The following SLC39A12 variants were observed in gnomAD, a reference collection of about 807,000 sequenced individuals.
The protein encoded by SLC39A12 is solute carrier family 39 member 12, also known as zinc transporter ZIP12.
Under a neutral mutation model 71.1 loss-of-function variants are expected in SLC39A12, and 63 were observed. The ratio of observed to expected loss-of-function variants is 0.89; its 90% CI spans 0.72 to 1.09. The LOEUF is 1.09. Ranked by LOEUF, SLC39A12 falls within the 50% of genes least tolerant of loss-of-function variation. SLC39A12 has a pLI of 0.00. For synonymous variants in SLC39A12, 351 were observed against 301.3 expected (o/e 1.16, Z -1.71); for missense variants, 892 against 812.6 (o/e 1.10, Z -1.19).
intron 12 of SLC39A12, among the ~76,000 whole-genome samples, chr10:18,024,034 G>T (rs1836607822): frequency 6.6e-6 from 1 of 152,162 alleles, no homozygotes; most frequent in South Asian, 2.1e-4. Flanking sequence ...TGTCAAAAAG[G>T]GCAGGCCTGT....
At chr10:18,003,521 G>A in intron 12 of SLC39A12, 163 bp downstream of exon 12, 1 of 574,828 alleles carries the variant, frequency 1.7e-6, no homozygotes, top group Non-Finnish European at 2.7e-6. Flanking sequence ...AGTGCATTCT[G>A]GGCAGAAAGA....
At position 17,991,209 on chromosome 10, in the gene SLC39A12, GTCA is replaced by G; in HGVS notation, c.1330_1332del (p.His444del). ...TTTGGGCATTTCCATGAAAGCAAAGGTCATATTTGGAAACTGATGGGATTAATT... is the reference window on the plus strand; with the variant it reads ...TTTGGGCATTTCCATGAAAGCAAAGGTATTTGGAAACTGATGGGATTAATT... On this transcript the variant is annotated inframe_deletion, in exon 8 of 13. Coordinates refer to ENST00000377369, the MANE Select transcript of SLC39A12 (RefSeq NM_001145195.2). The G allele has an allele frequency of 6.3e-7, 1 of 1,596,504 alleles. No homozygotes were observed. The highest frequency in any genetic ancestry group is 2.3e-5 in the East Asian group (1 of 43,838).
At chr10:18,011,503 T>A (rs58338149) in intron 12 of SLC39A12, among the ~76,000 whole-genome samples, 14,211 of 152,258 alleles carry the variant, frequency 0.093, 1,000 homozygotes, top group East Asian at 0.22. Context: ...TTGGTTAGGC[T>A]TCTGGCCAGC....
At chr10:17,985,970 A>G (rs367865220) in intron 6 of SLC39A12, among the ~76,000 whole-genome samples, 1 of 152,184 alleles carries the variant, frequency 6.6e-6, no homozygotes, top group East Asian at 1.9e-4. Context: ...TTCACCAATA[A>G]CAACACTCAT....
At chr10:17,963,536 G>A (rs1834744828) in intron 3 of SLC39A12, among the ~76,000 whole-genome samples, 1 of 152,190 alleles carries the variant, frequency 6.6e-6, no homozygotes, top group Non-Finnish European at 1.5e-5. Flanking sequence ...AACACCTGCT[G>A]AGTCATAACC....
At chr10:18,009,418 A>C (rs1209426990) in intron 12 of SLC39A12, among the ~76,000 whole-genome samples, 7 of 152,180 alleles carry the variant, frequency 4.6e-5, no homozygotes, top group Admixed American at 4.6e-4. Context: ...ATCCAAGGCA[A>C]ATGAATTGGA....
At chr10:17,961,526 GA>G in intron 2 of SLC39A12, 54 bp from the exon 3 acceptor site, 1 of 1,526,518 alleles carries the variant, frequency 6.6e-7, no homozygotes, top group Non-Finnish European at 8.8e-7. Context: ...TAGTGTTCTG[GA>G]ACTATTTTGC....
At chr10:17,966,718 C>A (rs1182222310) in intron 4 of SLC39A12, among the ~76,000 whole-genome samples, 1 of 151,810 alleles carries the variant, frequency 6.6e-6, no homozygotes, top group Non-Finnish European at 1.5e-5. Context: ...ACCTGTAATC[C>A]CAGCACTTTG....
At chr10:18,036,809 G>T (rs1262425305) in intron 12 of SLC39A12, among the ~76,000 whole-genome samples, 10 of 67,126 alleles carry the variant, frequency 1.5e-4, no homozygotes, top group East Asian at 1.2e-3. Flanking sequence ...TTTTTTTAAT[G>T]GAATCTCACT....
At chr10:17,974,369 T>A (rs962444309) in intron 4 of SLC39A12, among the ~76,000 whole-genome samples, 1 of 152,214 alleles carries the variant, frequency 6.6e-6, no homozygotes, top group Non-Finnish European at 1.5e-5. Flanking sequence ...TTTATTGTAG[T>A]CATCACTGTC....
At chr10:17,965,347 A>G in intron 3 of SLC39A12, 136 bp from the exon 4 acceptor site, 1 of 696,434 alleles carries the variant, frequency 1.4e-6, no homozygotes, top group South Asian at 1.9e-5. Flanking sequence ...GAAAGATGAT[A>G]GTCATATTCC....
At chr10:17,973,516 G>T (rs988765374) in intron 4 of SLC39A12, among the ~76,000 whole-genome samples, 5 of 152,040 alleles carry the variant, frequency 3.3e-5, no homozygotes, top group African/African-American at 1.2e-4. Context: ...TACTATTCTA[G>T]GGTAACAGTT....
At chr10:17,965,187 G>A (rs1035500879) in intron 3 of SLC39A12, among the ~76,000 whole-genome samples, 2 of 151,606 alleles carry the variant, frequency 1.3e-5, no homozygotes, top group Admixed American at 6.6e-5. Flanking sequence ...AGCCTGGGCA[G>A]CAAGAGCTAA....
intron 2 of SLC39A12, among the ~76,000 whole-genome samples, chr10:17,955,380 T>C (rs1834514426): frequency 6.6e-6 from 1 of 152,138 alleles, no homozygotes; most frequent in African/African-American, 2.4e-5. Context: ...CTTTACCTAC[T>C]CAGAAGGCTT....
intron 12 of SLC39A12, among the ~76,000 whole-genome samples, chr10:18,041,816 C>A (rs188203056): frequency 2.3e-5 from 3 of 130,256 alleles, no homozygotes; most frequent in African/African-American, 8.3e-5. Flanking sequence ...CATATGTATA[C>A]GTATATGTAT....
chr10:17,960,857 A>T (rs1046404896), intron 2 of SLC39A12, among the ~76,000 whole-genome samples: 3 of 152,220 alleles, frequency 2.0e-5, no homozygotes, highest in South Asian at 2.1e-4. Flanking sequence ...CTTAATTTTT[A>T]AAAATTTTGA....
intron 2 of SLC39A12, among the ~76,000 whole-genome samples, chr10:17,955,988 G>C (rs1456324042): frequency 6.6e-6 from 1 of 152,172 alleles, no homozygotes; most frequent in Non-Finnish European, 1.5e-5. Context: ...CTAGTGTTGA[G>C]ACATGTGGAG....
At chr10:17,991,958 G>A (rs539464679) in intron 8 of SLC39A12, among the ~76,000 whole-genome samples, 5 of 151,784 alleles carry the variant, frequency 3.3e-5, no homozygotes, top group South Asian at 4.2e-4. Context: ...GCATGATGCC[G>A]CGCGCCTGTA....
Position 17,953,441 on chromosome 10 carries a change from C to T in SLC39A12, c.165C>T (p.His55=), listed in dbSNP as rs1554847386. Residue 55 remains histidine (H), a synonymous_variant, in exon 2 of 13, where the codon CAC becomes CAT. Coordinates refer to ENST00000377369, the MANE Select transcript of SLC39A12 (RefSeq NM_001145195.2). ...DLLQVLSAGD[H]PPHNHSRSLI... ...TACAGGTTCTCTCTGCTGGTGACCACCCACCCCACAACCACTCAAGAAGCC... is the reference window on the plus strand; with the variant it reads ...TACAGGTTCTCTCTGCTGGTGACCATCCACCCCACAACCACTCAAGAAGCC... 1.2e-6 allele frequency: 2 copies of T among 1,614,174 alleles called. No individual in the cohort carries two copies. Among genetic ancestry groups the T allele is most frequent in the South Asian group, 2.2e-5 (2 of 91,070 alleles).
Sources: gnomAD v4.1 joint callset for allele counts (sites outside exome capture counted in the v4.1 genomes callset) on GRCh38, gnomAD v4.1.1 for gene constraint, MANE v1.5 for transcripts, NCBI Gene and HGNC (gene_info 2026-07-23, HGNC 2026-07-21) for gene names.